Variants in OR2L13 observed in about 807,000 individuals in gnomAD.
The protein encoded by OR2L13 is olfactory receptor 2L13.
In OR2L13, 14 loss-of-function variants were observed where a neutral mutation model predicts 15.3. The ratio of observed to expected loss-of-function variants is 0.91; its 90% CI spans 0.60 to 1.43. OR2L13 has a LOEUF of 1.43. Among genes scored for constraint, OR2L13 ranks in the 40% most tolerant of loss-of-function variants. The pLI, the probability that OR2L13 is intolerant of heterozygous loss-of-function variation, is 0.00. For synonymous variants in OR2L13, 152 were observed against 142.9 expected (o/e 1.06, Z -0.45); for missense variants, 367 against 387.9 (o/e 0.95, Z 0.45).
chr1:247,976,668 GA>G, the OR2L13 span, among the ~76,000 whole-genome samples: 1 of 151,868 alleles, frequency 6.6e-6, no homozygotes. Context: ...AGACTGGCTT[GA>G]AAAGTTCCTA....
the OR2L13 span, chr1:248,083,834 A>C: frequency 9.9e-6 from 16 of 1,613,352 alleles, no homozygotes; most frequent in Non-Finnish European, 1.2e-5. Flanking sequence ...TATAGGTAAA[A>C]ATGGCAGCTC....
chr1:247,963,158 G>A, the OR2L13 span, among the ~76,000 whole-genome samples: 6 of 152,188 alleles, frequency 3.9e-5, no homozygotes, highest in African/African-American at 1.2e-4. Flanking sequence ...AGCAGCATGA[G>A]CTTACCACAT....
At chr1:248,071,049 A>G in the OR2L13 span, among the ~76,000 whole-genome samples, 10 of 152,282 alleles carry the variant, frequency 6.6e-5, no homozygotes, top group East Asian at 1.5e-3. Flanking sequence ...CCAGAGGTAC[A>G]AGGAGGAACT....
chr1:248,010,308 G>GT, the OR2L13 span, among the ~76,000 whole-genome samples: 1 of 151,870 alleles, frequency 6.6e-6, no homozygotes, highest in African/African-American at 2.4e-5. Flanking sequence ...TATGATTTCC[G>GT]TTTTTTGCAT....
chr1:247,975,488 A>G, the OR2L13 span: 2 of 882,374 alleles, frequency 2.3e-6, no homozygotes, highest in African/African-American at 1.7e-5. Context: ...ATGTTTGCTT[A>G]TACCTATCTA....
the OR2L13 span, chr1:247,991,044 A>G: frequency 1.3e-6 from 2 of 1,556,498 alleles, no homozygotes; most frequent in Admixed American, 1.7e-5. Context: ...ATACCTATCT[A>G]CGCCCAAGAT....
chr1:247,962,263 T>C, the OR2L13 span, among the ~76,000 whole-genome samples: 1 of 152,210 alleles, frequency 6.6e-6, no homozygotes, highest in African/African-American at 2.4e-5. Context: ...CAAAGATATT[T>C]CCCTGGTGCT....
At chr1:248,024,433 C>T in the OR2L13 span, among the ~76,000 whole-genome samples, 1 of 152,158 alleles carries the variant, frequency 6.6e-6, no homozygotes, top group Admixed American at 6.5e-5. Flanking sequence ...TAATATAAAA[C>T]TACATTTTGT....
At chr1:247,957,118 C>G in the OR2L13 span, among the ~76,000 whole-genome samples, 6 of 149,040 alleles carry the variant, frequency 4.0e-5, no homozygotes, top group African/African-American at 1.5e-4. Context: ...AGATATGTCC[C>G]TTCAATACCT....
the OR2L13 span, among the ~76,000 whole-genome samples, chr1:247,964,226 T>C: frequency 3.3e-5 from 5 of 152,216 alleles, no homozygotes; most frequent in Admixed American, 1.3e-4. Flanking sequence ...TGACATATAA[T>C]ATTTCATTGT....
the OR2L13 span, chr1:248,038,468 C>T: frequency 6.2e-7 from 1 of 1,613,886 alleles, no homozygotes; most frequent in South Asian, 1.1e-5. Context: ...AGCTCTCCCT[C>T]ATTGACCTAA....
the OR2L13 span, among the ~76,000 whole-genome samples, chr1:248,072,405 TG>T: frequency 6.6e-6 from 1 of 152,324 alleles, no homozygotes; most frequent in East Asian, 1.9e-4. Flanking sequence ...TAAATGGTGC[TG>T]GGAAAACCCA....
chr1:248,061,454 A>G, the OR2L13 span: 1 of 1,614,000 alleles, frequency 6.2e-7, no homozygotes, highest in African/African-American at 1.3e-5. Context: ...GTCTACACTT[A>G]TCTACGTCCA....
At chr1:248,051,446 A>G in the OR2L13 span, among the ~76,000 whole-genome samples, 1 of 152,224 alleles carries the variant, frequency 6.6e-6, no homozygotes, top group African/African-American at 2.4e-5. Flanking sequence ...TAGTATTGCT[A>G]TGAACATGGG....
At chr1:248,021,962 T>C in the OR2L13 span, 4 of 1,612,836 alleles carry the variant, frequency 2.5e-6, no homozygotes, top group Admixed American at 3.3e-5. Flanking sequence ...AAAATTACAA[T>C]CAAACGTCAA....
At chr1:248,013,083 A>G in the OR2L13 span, among the ~76,000 whole-genome samples, 1 of 151,932 alleles carries the variant, frequency 6.6e-6, no homozygotes, top group Non-Finnish European at 1.5e-5. Flanking sequence ...AGGAAACAAT[A>G]TAAATATATA....
chr1:248,062,757 A>G, the OR2L13 span: 98 of 152,302 alleles, frequency 6.4e-4, 1 homozygote, highest in Middle Eastern at 0.024. Flanking sequence ...CAACACAAAG[A>G]AATAACCATA....
At chr1:248,061,200 C>G in the OR2L13 span, 5 of 1,612,252 alleles carry the variant, frequency 3.1e-6, no homozygotes, top group East Asian at 2.2e-5. Context: ...CCAGGGCCAT[C>G]AATCATTTCT....
the OR2L13 span, among the ~76,000 whole-genome samples, chr1:247,985,320 T>C: frequency 2.0e-5 from 3 of 152,134 alleles, no homozygotes; most frequent in South Asian, 4.2e-4. Context: ...CCATGTGTTC[T>C]CATTGTTCAA....
Sources: gnomAD v4.1 joint callset for allele counts (sites outside exome capture counted in the v4.1 genomes callset) on GRCh38, gnomAD v4.1.1 for gene constraint, MANE v1.5 for transcripts, NCBI Gene and HGNC (gene_info 2026-07-23, HGNC 2026-07-21) for gene names.